Variants in TSC22D2 observed in about 807,000 individuals in gnomAD.
TSC22D2 encodes TSC22 domain family member 2, also known as TSC22 domain family protein 2.
Under a neutral mutation model 50.1 loss-of-function variants are expected in TSC22D2, and 5 were observed. That is an observed-to-expected ratio of 0.10 (90% CI 0.05 to 0.21). TSC22D2 has a LOEUF of 0.21. Ranked by LOEUF, TSC22D2 falls within the 10% of genes least tolerant of loss-of-function variation. The pLI is 1.00. For synonymous variants in TSC22D2, 501 were observed against 450.1 expected (o/e 1.11, Z -1.43); for missense variants, 1,003 against 1,015.5 (o/e 0.99, Z 0.17).
rs760743225 is a variant in TSC22D2 at position 150,410,037 on chromosome 3, G to T, written c.687G>T (p.Val229=). ...GATGGSVVVV[V]ASMQGAHGPE... ...CCGGAGGGTCGGTGGTGGTAGTAGTGGCCTCCATGCAGGGGGCGCACGGGC... is the reference window on the plus strand; with the variant it reads ...CCGGAGGGTCGGTGGTGGTAGTAGTTGCCTCCATGCAGGGGGCGCACGGGC... Residue 229 remains valine, a synonymous_variant, in exon 1 of 3, where the codon GTG becomes GTT. Coordinates refer to ENST00000688009, the MANE Select transcript of TSC22D2 (RefSeq NM_001303264.2). 6.2e-6 allele frequency: 10 copies of T among 1,613,286 alleles called. No individual in the cohort carries two copies. The highest frequency in any genetic ancestry group is 6.8e-6 in the Non-Finnish European group (8 of 1,180,012).
chr3:150,410,311 G>A lies in TSC22D2; in HGVS notation c.961G>A (p.Gly321Arg). Residue 321 changes from glycine to arginine, a missense_variant, in exon 1 of 3, where the codon GGA becomes AGA. By Grantham distance (125) the Gly-to-Arg change is moderately radical (BLOSUM62 -2). This residue lies in a region of TSC22D2 where 696 missense variants were observed against 647.8 expected (regional missense o/e 1.07). Transcript: ENST00000688009. ...CCAGCCCCAGGGAGCGGGGCCCGGG[G>A]GACAGACTCTGCCGCCGACGAATGT... ...PSQPQGAGPG[G>R]QTLPPTNVTL... 2 of 1,572,772 alleles carry A rather than the reference G, an allele frequency of 1.3e-6. No homozygotes were observed. The highest frequency in any genetic ancestry group is 1.7e-6 in the Non-Finnish European group (2 of 1,158,574).
intron 1 of TSC22D2, among the ~76,000 whole-genome samples, chr3:150,451,873 G>T (rs1326499666): frequency 2.0e-5 from 3 of 152,028 alleles, no homozygotes; most frequent in Non-Finnish European, 4.4e-5. Flanking sequence ...AAAAAGAGAA[G>T]TAGTTCTCTT....
At chr3:150,457,619 C>T (rs1159821293) in intron 2 of TSC22D2, among the ~76,000 whole-genome samples, 2 of 151,906 alleles carry the variant, frequency 1.3e-5, no homozygotes, top group Non-Finnish European at 2.9e-5. Context: ...AGCAAGACCC[C>T]GTCTCTACAA....
At chr3:150,455,953 A>C (rs1243139325) in intron 1 of TSC22D2, among the ~76,000 whole-genome samples, 6 of 151,668 alleles carry the variant, frequency 4.0e-5, no homozygotes, top group African/African-American at 1.5e-4. Context: ...TTACTACTTA[A>C]TACATGGTAG....
intron 1 of TSC22D2, among the ~76,000 whole-genome samples, chr3:150,424,951 T>C (rs2108073040): frequency 6.6e-6 from 1 of 152,356 alleles, no homozygotes. Context: ...CATGGCTAAC[T>C]TTATTAGTTT....
intron 1 of TSC22D2, among the ~76,000 whole-genome samples, chr3:150,443,647 T>C (rs1720788012): frequency 1.3e-5 from 2 of 152,212 alleles, no homozygotes; most frequent in African/African-American, 4.8e-5. Flanking sequence ...GAGTCATGCT[T>C]AAAGGCATGG....
rs778582721 is a variant in TSC22D2, at chr3:150,410,565, C to T, written c.1215C>T (p.Pro405=). ...QPSSTGAAAS[P]ATAATLPVGT... is the part of the protein sequence containing the mutation. ...CGTCCACCGGCGCCGCAGCGAGCCCCGCCACGGCGGCCACCCTTCCCGTGG... is the reference window on the plus strand; with the variant it reads ...CGTCCACCGGCGCCGCAGCGAGCCCTGCCACGGCGGCCACCCTTCCCGTGG... The change falls in exon 1 of 3, where the codon CCC becomes CCT. Residue 405 remains proline (P), a synonymous_variant. Coordinates refer to ENST00000688009, the MANE Select transcript of TSC22D2 (RefSeq NM_001303264.2). 9.7e-6 allele frequency: 15 copies of T among 1,552,084 alleles called. No individual in the cohort carries two copies. Among genetic ancestry groups the T allele is most frequent in the Middle Eastern group, 1.8e-4 (1 of 5,550 alleles).
At chr3:150,454,773 T>C (rs1383863183) in intron 1 of TSC22D2, among the ~76,000 whole-genome samples, 2 of 152,144 alleles carry the variant, frequency 1.3e-5, no homozygotes, top group Non-Finnish European at 2.9e-5. Context: ...CACCTAACAG[T>C]TGAAATATTA....
chr3:150,415,427 C>T lies in TSC22D2; in HGVS notation c.1958+4119C>T, dbSNP rs1719764576. On this transcript the variant is annotated intron_variant, in intron 1 of 2. Transcript: ENST00000688009. Reference sequence around the variant, plus strand: ...GATCACAACCCCTGAACTAAATCACCTTTATGAGAAGTCATTTTATATAGG... The same window carrying T: ...GATCACAACCCCTGAACTAAATCACTTTTATGAGAAGTCATTTTATATAGG... Among the ~76,000 whole-genome samples, 7 of 152,280 alleles carry T rather than the reference C, an allele frequency of 4.6e-5. No homozygotes were observed. In the South Asian group the frequency reaches 1.2e-3, roughly 27 times the overall value.
Position 150,459,572 on chromosome 3 carries a change from G to GTTTTTTTTTTTTTGTT in TSC22D2, c.*951_*952insTTTTTTTTTTTTTTGT, listed in dbSNP as rs1721312726. On this transcript the variant is annotated 3_prime_UTR_variant, in exon 3 of 3. Transcript: ENST00000688009. ...TAATGGAGTTTGGTTTTTTTTTGTT[G>GTTTTTTTTTTTTTGTT]TTTTTTTTTTTTTGTCTTTTTTTTT... The GTTTTTTTTTTTTTGTT allele has an allele frequency of 1.7e-5, 2 of 115,552 alleles. No homozygotes were observed. Among genetic ancestry groups the GTTTTTTTTTTTTTGTT allele is most frequent in the Non-Finnish European group, 3.6e-5 (2 of 55,822 alleles). 7.2% of individuals were successfully genotyped at this position (115,552 alleles called of 1,614,324 possible). A position where few individuals can be genotyped will look rare whatever the true frequency, so the allele number is the denominator to read the frequency against.
rs1461697225 is a variant in TSC22D2 at position 150,458,589 on chromosome 3, C to T, written c.2224C>T (p.Pro742Ser). ...ACAGCAAGCAGTGATAGCACAGCCT[C>T]CGCAGCCAACGCAACCTCCACAGCA... ...SQQQAVIAQP[P>S]QPTQPPQQPN... is the part of the protein sequence containing the mutation. Residue 742 changes from proline (P) to serine (S), a missense_variant, in exon 3 of 3, where the codon CCG (proline) becomes TCG (serine). Pro to Ser is a moderately conservative substitution (Grantham distance 74). This residue lies in a region of TSC22D2 where 54 missense variants were observed against 51.4 expected (regional missense o/e 1.05). Coordinates refer to ENST00000688009, the MANE Select transcript of TSC22D2 (RefSeq NM_001303264.2). The T allele has an allele frequency of 6.2e-7, 1 of 1,614,026 alleles. No individual in the cohort carries two copies. Among genetic ancestry groups the T allele is most frequent in the Non-Finnish European group, 8.5e-7 (1 of 1,180,026 alleles).
At position 150,411,193 on chromosome 3, in the gene TSC22D2, G is replaced by C. The variant is rs1196977776; in HGVS notation, c.1843G>C (p.Val615Leu). ...TTCTCTCATTGCTGAAAATAAGCCT[G>C]TTGTGAAGCCGCCTGTTGCAGATTC... The part of the protein sequence containing the change: ...PLSLIAENKP[V>L]VKPPVADSLA... The change falls in exon 1 of 3, where the codon GTT becomes CTT. Residue 615 changes from valine (V) to leucine (L), a missense_variant. Val to Leu is a conservative substitution (Grantham distance 32, BLOSUM62 1). Coordinates refer to ENST00000688009, the MANE Select transcript of TSC22D2 (RefSeq NM_001303264.2). 1.2e-6 allele frequency: 2 copies of C among 1,614,068 alleles called. No individual in the cohort carries two copies. The highest frequency in any genetic ancestry group is 1.7e-5 in the Admixed American group (1 of 60,012).
Position 150,411,051 on chromosome 3 carries a change from C to G in TSC22D2, c.1701C>G (p.Ser567Arg). The G allele has an allele frequency of 6.2e-7, 1 of 1,614,210 alleles. No individual in the cohort carries two copies. The highest frequency in any genetic ancestry group is 1.1e-5 in the South Asian group (1 of 91,092). Reference sequence around the variant, plus strand: ...TGCCCTTAGCGCCAGGCACACACAGCGCACCAACAAGTCTACCACAGTCTG... The same window carrying G: ...TGCCCTTAGCGCCAGGCACACACAGGGCACCAACAAGTCTACCACAGTCTG... The part of the protein sequence containing the change: ...VGLPLAPGTH[S>R]APTSLPQSDL... The change falls in exon 1 of 3, where the codon AGC becomes AGG. Residue 567 changes from serine to arginine, a missense_variant. Ser to Arg is a moderately radical substitution (Grantham distance 110, BLOSUM62 -1). Transcript: ENST00000688009.
rs1032080147 is a variant in TSC22D2, at chr3:150,408,319, C to G, written c.-1032C>G. On this transcript the variant is annotated 5_prime_UTR_variant, in exon 1 of 3. Transcript: ENST00000688009. ...TTTTAGTCGGCAGCGGCGGCGGCAGCGGGGCTGCTGCTCCTCCCAGCATCC... is the reference window on the plus strand; with the variant it reads ...TTTTAGTCGGCAGCGGCGGCGGCAGGGGGGCTGCTGCTCCTCCCAGCATCC... 1.3e-5 allele frequency: 2 copies of G among 153,406 alleles called. No individual in the cohort carries two copies. The highest frequency in any genetic ancestry group is 2.9e-5 in the Non-Finnish European group (2 of 68,376). 9.5% of individuals were successfully genotyped at this position (153,406 alleles called of 1,614,324 possible). A position where few individuals can be genotyped will look rare whatever the true frequency, so the allele number is the denominator to read the frequency against.
chr3:150,411,962 C>T (rs1335813540), intron 1 of TSC22D2, among the ~76,000 whole-genome samples: 2 of 152,098 alleles, frequency 1.3e-5, no homozygotes, highest in African/African-American at 2.4e-5. Context: ...TCTTACTTTC[C>T]ATCAGTCTAT....
rs759105599 is a variant in TSC22D2, at chr3:150,410,920, A to G, written c.1570A>G (p.Thr524Ala). ...TCCAAGCGTGCCTAGTGTGTCTACC[A>G]CTTCTGTTACTATGCCAAATGTACC... Reference protein sequence around the residue: ...PAPSVPSVSTTSVTMPNVPAP... With the variant: ...PAPSVPSVSTASVTMPNVPAP... The change falls in exon 1 of 3, where the codon ACT (threonine) becomes GCT (alanine). Residue 524 changes from threonine to alanine, a missense_variant. Transcript: ENST00000688009. 2 of 1,613,972 alleles carry G rather than the reference A, an allele frequency of 1.2e-6. No homozygotes were observed. The highest frequency in any genetic ancestry group is 1.7e-6 in the Non-Finnish European group (2 of 1,180,012).
intron 1 of TSC22D2, among the ~76,000 whole-genome samples, chr3:150,414,775 C>T (rs1719736630): frequency 6.6e-6 from 1 of 151,072 alleles, no homozygotes; most frequent in Admixed American, 6.6e-5. Context: ...AAATGTATAC[C>T]AGGAGGCAGA....
Position 150,412,554 on chromosome 3 carries a change from G to C in TSC22D2, c.1958+1246G>C, listed in dbSNP as rs1719631783. Among the ~76,000 whole-genome samples, 5 of 152,182 alleles carry C rather than the reference G, an allele frequency of 3.3e-5. No homozygotes were observed. In the South Asian group the frequency reaches 1.0e-3, roughly 32 times the overall value. Reference sequence around the variant, plus strand: ...TCTGTTGGTTTGAAAAATACTCACTGACTGAAATTCATTCATCTTCTCTGC... The same window carrying C: ...TCTGTTGGTTTGAAAAATACTCACTCACTGAAATTCATTCATCTTCTCTGC... On this transcript the variant is annotated intron_variant, in intron 1 of 2. Transcript: ENST00000688009.
intron 1 of TSC22D2, among the ~76,000 whole-genome samples, chr3:150,430,159 C>T (rs1428781225): frequency 6.6e-6 from 1 of 152,042 alleles, no homozygotes; most frequent in African/African-American, 2.4e-5. Flanking sequence ...AAAGCTTCTT[C>T]AGGAGGTGGC....
Sources: gnomAD v4.1 joint callset for allele counts (sites outside exome capture counted in the v4.1 genomes callset) on GRCh38, gnomAD v4.1.1 for gene constraint, gnomAD v4.1.1 regional missense constraint, MANE v1.5 for transcripts, NCBI Gene and HGNC (gene_info 2026-07-23, HGNC 2026-07-21) for gene names.